Variants in SKIDA1 observed in about 807,000 individuals in gnomAD.
SKIDA1 encodes the protein SKI/DACH domain-containing protein 1.
A neutral mutation model predicts 51.4 loss-of-function variants in SKIDA1; 18 were observed. The observed-to-expected ratio is 0.35, with a 90% CI of 0.24 to 0.52. The LOEUF (loss-of-function observed/expected upper bound fraction) is 0.52. SKIDA1 is among the 20% of genes least tolerant of loss of function. The pLI is 0.95. For synonymous variants in SKIDA1, 579 were observed against 500.5 expected (o/e 1.16, Z -2.09); for missense variants, 1,104 against 1,180.6 (o/e 0.94, Z 0.95).
rs1401011478 is a variant in SKIDA1 at position 21,514,782 on chromosome 10, C to T, written c.*314G>A. 3 of 219,624 alleles carry T rather than the reference C, an allele frequency of 1.4e-5. No individual in the cohort carries two copies. The highest frequency in any genetic ancestry group is 2.7e-5 in the Non-Finnish European group (3 of 112,032). 13.6% of individuals were successfully genotyped at this position (219,624 alleles called of 1,614,324 possible). On this transcript the variant is annotated 3_prime_UTR_variant, in exon 4 of 4. Coordinates refer to ENST00000449193, the MANE Select transcript of SKIDA1 (RefSeq NM_207371.4). ...ATTTGTAGCAGTTGAATTGAGGTAC[C>T]GGGTGCATTATTAGCATCGAAACAG...
In SKIDA1 at chr10:21,514,107, C is replaced by A. The variant is rs1201161596; in HGVS notation, c.*989G>T. The A allele has an allele frequency of 1.4e-5, 2 of 147,328 alleles. No homozygotes were observed. Among genetic ancestry groups the A allele is most frequent in the African/African-American group, 2.5e-5 (1 of 39,564 alleles). 9.1% of individuals were successfully genotyped at this position (147,328 alleles called of 1,614,324 possible). ...GCACGCGCCCGTAATCCCAGCTACT[C>A]AGGAGGCTGAGGCAGCAGAATCGTT... On this transcript the variant is annotated 3_prime_UTR_variant, in exon 4 of 4. Transcript: ENST00000449193.
In SKIDA1 at chr10:21,514,995, A is replaced by G; in HGVS notation, c.*101T>C. 2 of 1,342,820 alleles carry G rather than the reference A, an allele frequency of 1.5e-6. No homozygotes were observed. The highest frequency in any genetic ancestry group is 1.9e-6 in the Non-Finnish European group (2 of 1,048,352). 83.2% of individuals were successfully genotyped at this position (1,342,820 alleles called of 1,614,324 possible). Reference sequence around the variant, plus strand: ...TCAAAATGCGATAAACCAGGACTCCAAAGGGGGTGTAACACATTAATGGAC... The same window carrying G: ...TCAAAATGCGATAAACCAGGACTCCGAAGGGGGTGTAACACATTAATGGAC... On this transcript the variant is annotated 3_prime_UTR_variant, in exon 4 of 4. Transcript: ENST00000449193.
Position 21,516,516 on chromosome 10 carries a change from G to C in SKIDA1, c.1307C>G (p.Ser436Cys), listed in dbSNP as rs2032208752. The change falls in exon 4 of 4, where the codon TCC becomes TGC. Residue 436 changes from serine to cysteine, a missense_variant. Around this residue, in one of 3 missense-constraint regions of SKIDA1, gnomAD observed 938 missense variants for 886.4 expected, o/e 1.06. Coordinates refer to ENST00000449193, the MANE Select transcript of SKIDA1 (RefSeq NM_207371.4). This position sits in a 1 kb window ranked among gnomAD's most constrained non-coding sequence, Gnocchi z 5.7. ...CTCCTCCTCCGAGCTGACTTCACTGGAATCCGAGGCCCCGCTGCCCCCCTC... is the reference window on the plus strand; with the variant it reads ...CTCCTCCTCCGAGCTGACTTCACTGCAATCCGAGGCCCCGCTGCCCCCCTC... ...EEEGGSGASD[S>C]SEVSSEEEDS... 6.3e-7 allele frequency: 1 copy of C among 1,586,202 alleles called. No homozygotes were observed. The highest frequency in any genetic ancestry group is 8.6e-7 in the Non-Finnish European group (1 of 1,166,834).
Position 21,517,364 on chromosome 10 carries a change from C to A in SKIDA1, c.459G>T (p.Ala153=). 7.1e-7 allele frequency: 1 copy of A among 1,409,726 alleles called. No individual in the cohort carries two copies. The highest frequency in any genetic ancestry group is 9.2e-7 in the Non-Finnish European group (1 of 1,084,564). The allele number at this position is 1,409,726 out of a possible 1,614,324, so 87.3% of individuals were successfully genotyped here. The change falls in exon 4 of 4, where the codon GCG becomes GCT. Residue 153 remains alanine, a synonymous_variant. Transcript: ENST00000449193. This position sits in a 1 kb window ranked among gnomAD's most constrained non-coding sequence, Gnocchi z 6.9. ...SGAARPLPIS[A]QSQRPGAAAA... ...CGGCGGCGCCCGGGCGCTGGGACTGCGCGCTGATTGGCAGGGGCCGCGCGG... is the reference window on the plus strand; with the variant it reads ...CGGCGGCGCCCGGGCGCTGGGACTGAGCGCTGATTGGCAGGGGCCGCGCGG...
At position 21,516,950 on chromosome 10, in the gene SKIDA1, G is replaced by A. The variant is rs2032245097; in HGVS notation, c.873C>T (p.Arg291=). The stretch of plus-strand genomic sequence containing the variant: ...TGTAGGACCTGGGCAACAGCAGCAG[G>A]CGCCGCGCGCCGGCGTGAGGCGCGA... ...CLLAPHAGAR[R]LLLLPRSYKA... is the part of the protein sequence containing the mutation. Residue 291 remains arginine, a synonymous_variant, in exon 4 of 4, where the codon CGC becomes CGT. Transcript: ENST00000449193. This position sits in a 1 kb window ranked among gnomAD's most constrained non-coding sequence, Gnocchi z 5.7. 1 of 1,204,690 alleles carries A rather than the reference G, an allele frequency of 8.3e-7. No homozygotes were observed. Among genetic ancestry groups the A allele is most frequent in the East Asian group, 4.6e-5 (1 of 21,728 alleles). 74.6% of individuals were successfully genotyped at this position (1,204,690 alleles called of 1,614,324 possible).
At position 21,516,937 on chromosome 10, in the gene SKIDA1, G is replaced by T; in HGVS notation, c.886C>A (p.Pro296Thr). 8.7e-7 allele frequency: 1 copy of T among 1,154,652 alleles called. No homozygotes were observed. Among genetic ancestry groups the T allele is most frequent in the Admixed American group, 4.2e-5 (1 of 23,944 alleles). 71.5% of individuals were successfully genotyped at this position (1,154,652 alleles called of 1,614,324 possible). A position where few individuals can be genotyped will look rare whatever the true frequency, so the allele number is the denominator to read the frequency against. Residue 296 changes from proline to threonine, a missense_variant, in exon 4 of 4, where the codon CCC (proline) becomes ACC (threonine). Transcript: ENST00000449193. The surrounding 1 kb of genome is among the most constrained non-coding windows in gnomAD (Gnocchi z 5.7). ...HAGARRLLLL[P>T]RSYKAKAAAA... The stretch of plus-strand genomic sequence containing the variant: ...GCCGCCTTGGCTTTGTAGGACCTGG[G>T]CAACAGCAGCAGGCGCCGCGCGCCG...
chr10:21,517,322 G>C lies in SKIDA1; in HGVS notation c.501C>G (p.Ala167=), dbSNP rs1476340809. The change falls in exon 4 of 4, where the codon GCC becomes GCG. Residue 167 remains alanine (A), a synonymous_variant. Coordinates refer to ENST00000449193, the MANE Select transcript of SKIDA1 (RefSeq NM_207371.4). The surrounding 1 kb of genome is among the most constrained non-coding windows in gnomAD (Gnocchi z 6.9). ...RPGAAAARPA[A]HLPQIFSKYP... ...ATTTGCTAAAAATCTGAGGTAGATG[G>C]GCGGCGGGGCGCGCGGCGGCGGCGC... 5.6e-6 allele frequency: 8 copies of C among 1,433,744 alleles called. No homozygotes were observed. In the African/African-American group the frequency reaches 1.2e-4, roughly 22 times the overall value. The allele number at this position is 1,433,744 out of a possible 1,614,324, so 88.8% of individuals were successfully genotyped here. A position where few individuals can be genotyped will look rare whatever the true frequency, so the allele number is the denominator to read the frequency against.
Position 21,516,304 on chromosome 10 carries a change from C to T in SKIDA1, c.1519G>A (p.Asp507Asn). The change falls in exon 4 of 4, where the codon GAC becomes AAC. Residue 507 changes from aspartate (D) to asparagine (N), a missense_variant. Asp to Asn is a conservative substitution (Grantham distance 23). Coordinates refer to ENST00000449193, the MANE Select transcript of SKIDA1 (RefSeq NM_207371.4). The surrounding 1 kb of genome is among the most constrained non-coding windows in gnomAD (Gnocchi z 5.7). ...AAFEDAGRLP[D>N]LKSSVKAESP... ...TCCGCTTTGACACTACTCTTGAGGT[C>T]GGGAAGTCTGCCGGCATCCTCGAAA... is the stretch of plus-strand genomic sequence containing the variant. The T allele has an allele frequency of 6.2e-7, 1 of 1,613,764 alleles. No individual in the cohort carries two copies. The highest frequency in any genetic ancestry group is 1.7e-5 in the Admixed American group (1 of 60,030).
rs1193977100 is a variant in SKIDA1, at chr10:21,517,378, G to A, written c.445C>T (p.Leu149=). The A allele has an allele frequency of 1.4e-6, 2 of 1,406,730 alleles. No individual in the cohort carries two copies. The highest frequency in any genetic ancestry group is 1.6e-5 in the South Asian group (1 of 61,524). The allele number at this position is 1,406,730 out of a possible 1,614,324, so 87.1% of individuals were successfully genotyped here. A position where few individuals can be genotyped will look rare whatever the true frequency, so the allele number is the denominator to read the frequency against. ...CGCTGGGACTGCGCGCTGATTGGCA[G>A]GGGCCGCGCGGCTCCGCTCAGGCCC... ...WRGLSGAARP[L]PISAQSQRPG... is the part of the protein sequence containing the mutation. The change falls in exon 4 of 4, where the codon CTG becomes TTG. Residue 149 remains leucine, a synonymous_variant. Transcript: ENST00000449193. This position sits in a 1 kb window ranked among gnomAD's most constrained non-coding sequence, Gnocchi z 6.9.
chr10:21,515,381 C>G lies in SKIDA1; in HGVS notation c.2442G>C (p.Glu814Asp), dbSNP rs141939927. The G allele has an allele frequency of 4.3e-5, 69 of 1,613,974 alleles. No homozygotes were observed. The African/African-American group carries it at 8.5e-4, about 20-fold the overall frequency. ...ARSPRPTGKT[E>D]TNEGTLDDFT... Reference sequence around the variant, plus strand: ...AATCATCCAGTGTTCCTTCATTTGTCTCAGTTTTACCTGTAGGACGAGGGC... The same window carrying G: ...AATCATCCAGTGTTCCTTCATTTGTGTCAGTTTTACCTGTAGGACGAGGGC... Residue 814 changes from glutamate to aspartate, a missense_variant, in exon 4 of 4, where the codon GAG becomes GAC. Glu to Asp is a conservative substitution (Grantham distance 45, BLOSUM62 2). Around this residue, in one of 3 missense-constraint regions of SKIDA1, gnomAD observed 112 missense variants for 168.3 expected, o/e 0.67. Coordinates refer to ENST00000449193, the MANE Select transcript of SKIDA1 (RefSeq NM_207371.4).
In SKIDA1 at chr10:21,515,602, G is replaced by A; in HGVS notation, c.2221C>T (p.Pro741Ser). Residue 741 changes from proline to serine, a missense_variant, in exon 4 of 4, where the codon CCT (proline) becomes TCT (serine). Physicochemically the swap from Pro to Ser is moderately conservative, Grantham distance 74. Around this residue, in one of 3 missense-constraint regions of SKIDA1, gnomAD observed 938 missense variants for 886.4 expected, o/e 1.06. Coordinates refer to ENST00000449193, the MANE Select transcript of SKIDA1 (RefSeq NM_207371.4). ...TTTAAGGAAGGAGTTTCTTTTTCAG[G>A]GCATGCAAAACCTTCCTTGGCTGTG... ...LTTAKEGFAC[P>S]EKETPSLNPL... is the part of the protein sequence containing the mutation. The A allele has an allele frequency of 6.2e-7, 1 of 1,613,926 alleles. No individual in the cohort carries two copies.
chr10:21,517,577 G>A lies in SKIDA1; in HGVS notation c.246C>T (p.Leu82=), dbSNP rs771896442. 1.9e-6 allele frequency: 3 copies of A among 1,611,366 alleles called. No homozygotes were observed. Among genetic ancestry groups the A allele is most frequent in the Non-Finnish European group, 2.5e-6 (3 of 1,178,818 alleles). ...GCGCTTCCACGTCTTCCCGGGAGAT[G>A]AGCGTGCATTTGGCGGCGTGGAAGG... ...SIAFHAAKCT[L]ISREDVEALY... Residue 82 remains leucine, a synonymous_variant, in exon 4 of 4, where the codon CTC becomes CTT. Transcript: ENST00000449193. The surrounding 1 kb of genome is among the most constrained non-coding windows in gnomAD (Gnocchi z 6.9).
chr10:21,516,468 G>T lies in SKIDA1; in HGVS notation c.1355C>A (p.Ser452Tyr). ...TGACACTTGGCTGGAGCCGGAGCTG[G>T]AGTCCGACTCGGTGGACGAGTCCTC... The part of the protein sequence containing the change: ...EEEDSSTESD[S>Y]SSGSSQVSVQ... The change falls in exon 4 of 4, where the codon TCC becomes TAC. Residue 452 changes from serine to tyrosine, a missense_variant. Ser to Tyr is a moderately radical substitution (Grantham distance 144). Coordinates refer to ENST00000449193, the MANE Select transcript of SKIDA1 (RefSeq NM_207371.4). This position sits in a 1 kb window ranked among gnomAD's most constrained non-coding sequence, Gnocchi z 5.7. 1 of 1,611,542 alleles carries T rather than the reference G, an allele frequency of 6.2e-7. No homozygotes were observed. Among genetic ancestry groups the T allele is most frequent in the Middle Eastern group, 1.8e-4 (1 of 5,520 alleles).
chr10:21,523,205 G>C (rs2032475150), intron 2 of SKIDA1, among the ~76,000 whole-genome samples: 1 of 152,006 alleles, frequency 6.6e-6, no homozygotes, highest in Admixed American at 6.6e-5. Flanking sequence ...AGGAAGGAAT[G>C]GGGTGGGGGG....
rs1438771089 is a variant in SKIDA1, at chr10:21,516,875, G to GGCC, written c.945_947dup (p.Ala318dup). 296 of 1,291,388 alleles carry GGCC rather than the reference G, an allele frequency of 2.3e-4. No individual in the cohort carries two copies. The highest frequency in any genetic ancestry group is 2.9e-4 in the Middle Eastern group (1 of 3,410). 80.0% of individuals were successfully genotyped at this position (1,291,388 alleles called of 1,614,324 possible). A position where few individuals can be genotyped will look rare whatever the true frequency, so the allele number is the denominator to read the frequency against. ...TCTCCAGGCAAGTGGCCCCCGCGGC[G>GGCC]GCCGCCGCCGCCGCTGCCGCCGCCG... On this transcript the variant is annotated inframe_insertion, in exon 4 of 4. Coordinates refer to ENST00000449193, the MANE Select transcript of SKIDA1 (RefSeq NM_207371.4). The surrounding 1 kb of genome is among the most constrained non-coding windows in gnomAD (Gnocchi z 5.7).
Position 21,515,645 on chromosome 10 carries a change from C to G in SKIDA1, c.2178G>C (p.Glu726Asp). The change falls in exon 4 of 4, where the codon GAG becomes GAC. Residue 726 changes from glutamate (E) to aspartate (D), a missense_variant. Physicochemically the swap from Glu to Asp is conservative, Grantham distance 45 (BLOSUM62 2). Transcript: ENST00000449193. The stretch of plus-strand genomic sequence containing the variant: ...TGGCTGTGGTTAACAAGGCGTCCTC[C>G]TCTTTACTCTCAGTCACACTGTAAA... ...GEFYSVTESK[E>D]EDALLTTAKE... The G allele has an allele frequency of 2.5e-6, 4 of 1,614,040 alleles. No homozygotes were observed. The highest frequency in any genetic ancestry group is 3.4e-6 in the Non-Finnish European group (4 of 1,179,908).
In SKIDA1 at chr10:21,515,376, T is replaced by C. The variant is rs772459474; in HGVS notation, c.2447A>G (p.Asn816Ser). 1 of 1,614,050 alleles carries C rather than the reference T, an allele frequency of 6.2e-7. No individual in the cohort carries two copies. The highest frequency in any genetic ancestry group is 2.2e-5 in the East Asian group (1 of 44,888). Reference protein sequence around the residue: ...SPRPTGKTETNEGTLDDFTVI... With the variant: ...SPRPTGKTETSEGTLDDFTVI... ...TGTAAAATCATCCAGTGTTCCTTCA[T>C]TTGTCTCAGTTTTACCTGTAGGACG... The change falls in exon 4 of 4, where the codon AAT becomes AGT. Residue 816 changes from asparagine (N) to serine (S), a missense_variant. By Grantham distance (46) the Asn-to-Ser change is conservative. Around this residue, in one of 3 missense-constraint regions of SKIDA1, gnomAD observed 112 missense variants for 168.3 expected, o/e 0.67. Coordinates refer to ENST00000449193, the MANE Select transcript of SKIDA1 (RefSeq NM_207371.4).
In SKIDA1 at chr10:21,517,403, C is replaced by A. The variant is rs2032276876; in HGVS notation, c.420G>T (p.Arg140=). The A allele has an allele frequency of 2.1e-6, 3 of 1,462,076 alleles. No homozygotes were observed. In the African/African-American group the frequency reaches 4.4e-5, roughly 21 times the overall value. The allele number at this position is 1,462,076 out of a possible 1,614,324, so 90.6% of individuals were successfully genotyped here. A position where few individuals can be genotyped will look rare whatever the true frequency, so the allele number is the denominator to read the frequency against. The change falls in exon 4 of 4, where the codon CGG becomes CGT. Residue 140 remains arginine, a synonymous_variant. Coordinates refer to ENST00000449193, the MANE Select transcript of SKIDA1 (RefSeq NM_207371.4). This position sits in a 1 kb window ranked among gnomAD's most constrained non-coding sequence, Gnocchi z 6.9. ...GGGGCCGCGCGGCTCCGCTCAGGCC[C>A]CGCCAAAGTTGGTGCTTGTCCTTCC... ...GFWKDKHQLW[R]GLSGAARPLP... is the part of the protein sequence containing the mutation.
rs780812690 is a variant in SKIDA1, at chr10:21,516,756, G to A, written c.1067C>T (p.Pro356Leu). ...GTGAGGGGGGTGGTGACTCTGCTGC[G>A]GCGGCTGGGCCCGGTGGTGGTGGTG... The part of the protein sequence containing the change: ...HHHHHHRAQP[P>L]QQSHHPPHHH... The change falls in exon 4 of 4, where the codon CCG (proline) becomes CTG (leucine). Residue 356 changes from proline to leucine, a missense_variant. Pro to Leu is a moderately conservative substitution (Grantham distance 98). Transcript: ENST00000449193. This position sits in a 1 kb window ranked among gnomAD's most constrained non-coding sequence, Gnocchi z 5.7. 3 of 1,546,970 alleles carry A rather than the reference G, an allele frequency of 1.9e-6. No homozygotes were observed. In the South Asian group the frequency reaches 3.6e-5, roughly 18 times the overall value.
Sources: allele counts gnomAD v4.1 joint callset (sites outside exome capture counted in the v4.1 genomes callset), GRCh38; gene constraint gnomAD v4.1.1; regional missense constraint gnomAD v4.1.1; non-coding constraint Gnocchi (gnomAD v3.1); transcripts MANE v1.5; gene names NCBI Gene and HGNC (gene_info 2026-07-23, HGNC 2026-07-21).